The following GPHN variants were observed in gnomAD, a reference collection of about 807,000 sequenced individuals.
GPHN encodes gephyrin.
A neutral mutation model predicts 95.5 loss-of-function variants in GPHN; 17 were observed. The observed-to-expected ratio is 0.18, with a 90% CI of 0.12 to 0.27. The LOEUF (loss-of-function observed/expected upper bound fraction) is 0.27, where lower values mean the gene tolerates loss of function less well. GPHN is among the 10% of genes least tolerant of loss of function. The probability of loss-of-function intolerance (pLI) is 1.00; values close to 1 mark genes in which losing one functional copy is unlikely to be tolerated. For missense variants in GPHN, 660 were observed against 978.1 expected, an observed-to-expected ratio of 0.67 and a Z score of 4.34; for synonymous variants, 320 against 322.5, an observed-to-expected ratio of 0.99 and a Z score of 0.08.
chr14:67,180,520 T>C (rs1202557447), intron 22 of GPHN, among the ~76,000 whole-genome samples: 1 of 152,174 alleles, frequency 6.6e-6, no homozygotes, highest in Non-Finnish European at 1.5e-5. Context: ...ACGCATAACA[T>C]TTCAGCCTGA....
At chr14:66,900,795 GGT>G (rs2065090444) in intron 5 of GPHN, among the ~76,000 whole-genome samples, 1 of 152,070 alleles carries the variant, frequency 6.6e-6, no homozygotes, top group South Asian at 2.1e-4. Context: ...TATGTTCACT[GGT>G]ACTTAGGTTG....
chr14:67,559,574 T>C, the GPHN span: 8 of 1,443,164 alleles, frequency 5.5e-6, no homozygotes, highest in Middle Eastern at 1.7e-4. Flanking sequence ...CTGGTGATTG[T>C]TGGGATTAAC....
intron 1 of GPHN, among the ~76,000 whole-genome samples, chr14:66,582,766 T>C (rs958893598): frequency 2.6e-5 from 4 of 152,184 alleles, no homozygotes; most frequent in African/African-American, 9.7e-5. Context: ...TGCCACATTT[T>C]CTTAATCCAG....
chr14:67,389,013 G>A, the GPHN span, among the ~76,000 whole-genome samples: 2 of 151,558 alleles, frequency 1.3e-5, no homozygotes, highest in Non-Finnish European at 2.9e-5. Flanking sequence ...ATAGATTCCT[G>A]CACATAGGAC....
chr14:67,465,721 T>C, the GPHN span, among the ~76,000 whole-genome samples: 1 of 152,230 alleles, frequency 6.6e-6, no homozygotes, highest in African/African-American at 2.4e-5. Context: ...TGTAGCCACG[T>C]CCAAGCCCCC....
chr14:67,147,109 T>C (rs72715401), intron 18 of GPHN, among the ~76,000 whole-genome samples: 10,044 of 152,278 alleles, frequency 0.066, 351 homozygotes, highest in Middle Eastern at 0.085. Context: ...TAATATTTCA[T>C]TTATCCTACA....
chr14:67,276,476 A>G, the GPHN span, among the ~76,000 whole-genome samples: 2 of 152,250 alleles, frequency 1.3e-5, no homozygotes, highest in Middle Eastern at 3.4e-3. Flanking sequence ...ATCACCTTTT[A>G]CCACAGACCA....
At chr14:67,073,267 TTC>T (rs1317963647) in intron 11 of GPHN, among the ~76,000 whole-genome samples, 1 of 152,114 alleles carries the variant, frequency 6.6e-6, no homozygotes, top group Non-Finnish European at 1.5e-5. Flanking sequence ...AACATTTTCT[TTC>T]TTTCTTTGCA....
At chr14:67,488,793 G>T in the GPHN span, 8 of 152,430 alleles carry the variant, frequency 5.2e-5, no homozygotes, top group South Asian at 1.7e-3. Flanking sequence ...AGCTCTGGGA[G>T]CCCACTGCCT....
chr14:66,613,564 A>T (rs2062872767), intron 1 of GPHN, among the ~76,000 whole-genome samples: 1 of 152,158 alleles, frequency 6.6e-6, no homozygotes, highest in Admixed American at 6.6e-5. Context: ...GCTGCTCCGT[A>T]CACATCTACA....
intron 18 of GPHN, among the ~76,000 whole-genome samples, chr14:67,155,047 A>G: frequency 6.6e-6 from 1 of 152,184 alleles, no homozygotes; most frequent in Admixed American, 6.5e-5. Flanking sequence ...ACAGGAGGCA[A>G]AGAAGCCAAG....
chr14:66,728,960 G>C (rs2071507093), intron 2 of GPHN, among the ~76,000 whole-genome samples: 1 of 152,126 alleles, frequency 6.6e-6, no homozygotes, highest in Non-Finnish European at 1.5e-5. Flanking sequence ...CACATATTGT[G>C]GGAGGAACCT....
chr14:66,645,706 A>G (rs2064708013), intron 1 of GPHN, among the ~76,000 whole-genome samples: 1 of 151,160 alleles, frequency 6.6e-6, no homozygotes, highest in African/African-American at 2.4e-5. Context: ...AAAAAAAAAA[A>G]GAAAATTTTT....
intron 1 of GPHN, among the ~76,000 whole-genome samples, chr14:66,605,154 G>A (rs1416135747): frequency 6.6e-6 from 1 of 152,090 alleles, no homozygotes; most frequent in Non-Finnish European, 1.5e-5. Flanking sequence ...TAGTGATGCA[G>A]TGAACATATC....
chr14:67,393,489 C>T, the GPHN span, among the ~76,000 whole-genome samples: 4 of 152,016 alleles, frequency 2.6e-5, no homozygotes, highest in Admixed American at 6.5e-5. Flanking sequence ...AGTCTCGCTC[C>T]GTCACCCAGG....
chr14:67,510,964 A>T, the GPHN span, among the ~76,000 whole-genome samples: 1 of 152,148 alleles, frequency 6.6e-6, no homozygotes, highest in Admixed American at 6.5e-5. Flanking sequence ...TTGAAGCATG[A>T]ATCACCCCTC....
chr14:66,550,426 G>A (rs774233801), intron 1 of GPHN, among the ~76,000 whole-genome samples: 6 of 152,198 alleles, frequency 3.9e-5, no homozygotes. Context: ...ATGAAGAGTT[G>A]CTTCTTATGG....
At chr14:67,130,496 CT>C (rs1386509862) in intron 17 of GPHN, among the ~76,000 whole-genome samples, 6 of 151,490 alleles carry the variant, frequency 4.0e-5, no homozygotes, top group African/African-American at 1.2e-4. Flanking sequence ...ATATGCACCA[CT>C]TTTTTTTTAT....
chr14:66,700,070 A>G (rs1338488862), intron 2 of GPHN, among the ~76,000 whole-genome samples: 2 of 152,184 alleles, frequency 1.3e-5, no homozygotes, highest in Non-Finnish European at 2.9e-5. Context: ...TGTGTCTTAT[A>G]CGGGCTATTC....
Sources: allele counts gnomAD v4.1 joint callset (sites outside exome capture counted in the v4.1 genomes callset), GRCh38; gene constraint gnomAD v4.1.1; transcripts MANE v1.5; gene names NCBI Gene and HGNC (gene_info 2026-07-23, HGNC 2026-07-21).